Variants in TBX5 observed in about 807,000 individuals in gnomAD.
TBX5 encodes T-box transcription factor TBX5.
TBX5 carries 8 observed loss-of-function variants against 51.1 expected under a neutral mutation model. The observed-to-expected ratio is 0.16, with a 90% CI of 0.09 to 0.28. The LOEUF (loss-of-function observed/expected upper bound fraction) is 0.28. TBX5 is among the 10% of genes least tolerant of loss of function. TBX5 has a pLI of 1.00. For missense variants in TBX5, 589 were observed against 671.7 expected (o/e 0.88, Z 1.36); for synonymous variants, 302 against 266.4 (o/e 1.13, Z -1.30).
At chr12:114,398,992 G>A (rs1434753998) in intron 4 of TBX5, among the ~76,000 whole-genome samples, 2 of 152,102 alleles carry the variant, frequency 1.3e-5, no homozygotes, top group Admixed American at 6.5e-5. Context: ...GTCTGGACGT[G>A]CAAAAAGCCT....
At chr12:114,380,780 G>A (rs1475079184) in intron 7 of TBX5, among the ~76,000 whole-genome samples, 1 of 152,004 alleles carries the variant, frequency 6.6e-6, no homozygotes, top group Non-Finnish European at 1.5e-5. Flanking sequence ...AGTGAGCTAT[G>A]ATTGTGCCAC....
intron 7 of TBX5, among the ~76,000 whole-genome samples, chr12:114,381,635 T>C (rs889145586): frequency 6.6e-6 from 1 of 152,168 alleles, no homozygotes; most frequent in African/African-American, 2.4e-5. Context: ...TCTATGCCCC[T>C]CCTGCAGATG....
chr12:114,401,676 T>G lies in TBX5; in HGVS notation c.242+150A>C, dbSNP rs1871820126. ...TTTAACCAGGATCTATCTTTCGCTC[T>G]CTCTCTCCTCTCCTCTCCTTTCTCT... On this transcript the variant is annotated intron_variant, in intron 3 of 8. Transcript: ENST00000405440. 6.7e-6 allele frequency: 5 copies of G among 743,990 alleles called. No homozygotes were observed. The East Asian group carries it at 1.1e-4, about 16-fold the overall frequency. 46.1% of individuals were successfully genotyped at this position (743,990 alleles called of 1,614,324 possible).
At chr12:114,361,962 G>A (rs1418377588) in intron 8 of TBX5, among the ~76,000 whole-genome samples, 2 of 152,098 alleles carry the variant, frequency 1.3e-5, no homozygotes, top group Non-Finnish European at 2.9e-5. Flanking sequence ...CATTCACCCT[G>A]AGCCCACAGG....
rs1236109375 is a variant in TBX5, at chr12:114,394,980, C to A, written c.511-87G>T. ...AACCCTGCTCCCCGCCCTCTAAATTCGCCTTGTTATATCGGCTCTCGAAAA... is the reference window on the plus strand; with the variant it reads ...AACCCTGCTCCCCGCCCTCTAAATTAGCCTTGTTATATCGGCTCTCGAAAA... On this transcript the variant is annotated intron_variant, in intron 5 of 8. Transcript: ENST00000405440. 3.6e-6 allele frequency: 5 copies of A among 1,389,644 alleles called. No homozygotes were observed. In the Admixed American group the frequency reaches 5.2e-5, roughly 15 times the overall value. The allele number at this position is 1,389,644 out of a possible 1,614,324, so 86.1% of individuals were successfully genotyped here.
rs79101327 is a variant in TBX5 at position 114,403,558 on chromosome 12, C to T, written c.147+194G>A. On this transcript the variant is annotated intron_variant, in intron 2 of 8. Transcript: ENST00000405440. ...AATAAAGTAGATGGCAATACGCTAG[C>T]ATTTGGGGAGACAGGGCAGAGAAAG... 0.01 allele frequency among the ~76,000 whole-genome samples: 1,573 copies of T among 152,278 alleles called. 21 individuals carry two copies. Among genetic ancestry groups the T allele is most frequent in the African/African-American group, 0.036 (1,503 of 41,530 alleles).
intron 8 of TBX5, among the ~76,000 whole-genome samples, chr12:114,358,941 T>C (rs1387184907): frequency 6.6e-6 from 1 of 152,114 alleles, no homozygotes; most frequent in Non-Finnish European, 1.5e-5. Flanking sequence ...GCTGGAATCA[T>C]AACCTTTGGG....
intron 7 of TBX5, among the ~76,000 whole-genome samples, chr12:114,380,420 G>C (rs1413966879): frequency 6.6e-6 from 1 of 152,130 alleles, no homozygotes; most frequent in Non-Finnish European, 1.5e-5. Context: ...GAGCCGTTCT[G>C]CTATTCAGTT....
chr12:114,401,970 C>T, intron 2 of TBX5, 50 bp from the exon 3 acceptor site: 1 of 1,516,540 alleles, frequency 6.6e-7, no homozygotes, highest in South Asian at 1.1e-5. Context: ...CAGTAGTGGG[C>T]ATTCCTTCCC....
At chr12:114,404,866 C>A (rs1399491920) in intron 1 of TBX5, among the ~76,000 whole-genome samples, 1 of 152,202 alleles carries the variant, frequency 6.6e-6, no homozygotes, top group Non-Finnish European at 1.5e-5. Context: ...TCGGATAAGT[C>A]CTAGGCTGGA....
intron 5 of TBX5, 43 bp downstream of exon 5, chr12:114,398,530 A>G: frequency 6.2e-7 from 1 of 1,600,510 alleles, no homozygotes; most frequent in Non-Finnish European, 8.5e-7. Context: ...GGGAGAGAGG[A>G]CAAGAGGGAG....
At chr12:114,387,769 C>A (rs1467392193) in intron 6 of TBX5, among the ~76,000 whole-genome samples, 1 of 152,094 alleles carries the variant, frequency 6.6e-6, no homozygotes. Context: ...TGGGGAGAAG[C>A]TATAGGGGAA....
intron 8 of TBX5, among the ~76,000 whole-genome samples, chr12:114,359,466 T>G (rs1869115796): frequency 6.6e-6 from 1 of 152,198 alleles, no homozygotes; most frequent in Admixed American, 6.5e-5. Context: ...TGGGCTATAC[T>G]TAAGTATCAA....
chr12:114,377,822 C>T (rs573226779), intron 7 of TBX5, among the ~76,000 whole-genome samples: 2 of 152,218 alleles, frequency 1.3e-5, no homozygotes, highest in East Asian at 1.9e-4. Flanking sequence ...CCCTACCCTA[C>T]AGGAACAAGG....
chr12:114,358,623 T>C (rs1303988686), intron 8 of TBX5, among the ~76,000 whole-genome samples: 6 of 151,964 alleles, frequency 3.9e-5, no homozygotes, highest in Admixed American at 2.0e-4. Context: ...ATGGGACTTA[T>C]AGGATACCAA....
intron 6 of TBX5, among the ~76,000 whole-genome samples, chr12:114,392,169 G>A (rs1177126001): frequency 1.6e-5 from 2 of 121,814 alleles, no homozygotes; most frequent in African/African-American, 3.2e-5. Flanking sequence ...ACGATTCCCT[G>A]GATTGCGCTA....
intron 2 of TBX5, 140 bp from the exon 3 acceptor site, chr12:114,402,060 C>T (rs536153129): frequency 1.3e-6 from 1 of 769,622 alleles, no homozygotes; most frequent in Admixed American, 2.0e-5. Flanking sequence ...TGGCTTCAGC[C>T]CACTGCAGAA....
chr12:114,355,274 A>G lies in TBX5; in HGVS notation c.*258T>C. The stretch of plus-strand genomic sequence containing the variant: ...GTGGCTGGTTGATGGGTGTGGTGGT[A>G]GTGGGGGGTGGGACTCATCTTTTTG... On this transcript the variant is annotated 3_prime_UTR_variant, in exon 9 of 9. Transcript: ENST00000405440. The G allele has an allele frequency of 1.9e-6, 1 of 516,254 alleles. No homozygotes were observed. The highest frequency in any genetic ancestry group is 4.1e-5 in the East Asian group (1 of 24,608). The allele number at this position is 516,254 out of a possible 1,614,324, so 32.0% of individuals were successfully genotyped here. A position where few individuals can be genotyped will look rare whatever the true frequency, so the allele number is the denominator to read the frequency against.
chr12:114,394,205 C>T (rs761980974), intron 6 of TBX5, among the ~76,000 whole-genome samples: 1 of 152,198 alleles, frequency 6.6e-6, no homozygotes, highest in Non-Finnish European at 1.5e-5. Flanking sequence ...GTCCCAGCTA[C>T]TCCAGAGGCT....
Sources: allele counts gnomAD v4.1 joint callset (sites outside exome capture counted in the v4.1 genomes callset), GRCh38; gene constraint gnomAD v4.1.1; transcripts MANE v1.5; gene names NCBI Gene and HGNC (gene_info 2026-07-23, HGNC 2026-07-21).